FAM135A: variants seen among roughly 807,000 people sequenced by gnomAD.
FAM135A encodes family with sequence similarity 135 member A.
A neutral mutation model predicts 146.8 loss-of-function variants in FAM135A; 79 were observed. That is an observed-to-expected ratio of 0.54 (90% CI 0.45 to 0.65). The LOEUF is 0.65. Among genes scored for constraint, FAM135A ranks in the 30% least tolerant of loss-of-function variants. The pLI is 0.00. For synonymous variants in FAM135A, 562 were observed against 603.6 expected, an observed-to-expected ratio of 0.93 and a Z score of 1.01; for missense variants, 1,623 against 1,758.2, an observed-to-expected ratio of 0.92 and a Z score of 1.38.
In FAM135A at chr6:70,525,164, C is replaced by A. The variant is rs138344701; in HGVS notation, c.2080C>A (p.Pro694Thr). The A allele has an allele frequency of 3.2e-6, 5 of 1,584,386 alleles. No individual in the cohort carries two copies. Among genetic ancestry groups the A allele is most frequent in the Non-Finnish European group, 4.3e-6 (5 of 1,169,202 alleles). The change falls in exon 15 of 22, where the codon CCC becomes ACC. Residue 694 changes from proline (P) to threonine (T), a missense_variant. Around this residue, in one of 7 missense-constraint regions of FAM135A, gnomAD observed 1,061 missense variants for 1,113.8 expected, o/e 0.95. Coordinates refer to ENST00000418814, the MANE Select transcript of FAM135A (RefSeq NM_001162529.3). ...QEEILVDNLL[P>T]NFESLESNGK... ...GGAAATACTTGTGGATAATTTACTACCCAACTTTGAGTCCTTAGAATCTAA... is the reference window on the plus strand; with the variant it reads ...GGAAATACTTGTGGATAATTTACTAACCAACTTTGAGTCCTTAGAATCTAA...
At position 70,557,694 on chromosome 6, in the gene FAM135A, C is replaced by CAAAAAAAAAAAA. The variant is rs1177559650; in HGVS notation, c.4342+844_4342+855dup. The CAAAAAAAAAAAA allele has an allele frequency of 3.4e-5, 2 of 58,138 alleles. 1 individual carries two copies. Among genetic ancestry groups the CAAAAAAAAAAAA allele is most frequent in the Non-Finnish European group, 6.3e-5 (2 of 31,820 alleles). 3.6% of individuals were successfully genotyped at this position (58,138 alleles called of 1,614,324 possible). ...GAGAGACAAGAACGAAACTCTGTCT[C>CAAAAAAAAAAAA]AAAAAAAAAAAAAAAAAAAAAAAAC... On this transcript the variant is annotated intron_variant, in intron 21 of 21. Transcript: ENST00000418814.
chr6:70,480,493 A>G (rs1336881057), intron 8 of FAM135A, among the ~76,000 whole-genome samples: 1 of 152,186 alleles, frequency 6.6e-6, no homozygotes, highest in Admixed American at 6.5e-5. Context: ...TTCTACATTT[A>G]CATGGGAGCT....
Position 70,525,905 on chromosome 6 carries a change from A to C in FAM135A, c.2821A>C (p.Lys941Gln). Residue 941 changes from lysine to glutamine, a missense_variant, in exon 15 of 22, where the codon AAA becomes CAA. Around this residue, in one of 7 missense-constraint regions of FAM135A, gnomAD observed 1,061 missense variants for 1,113.8 expected, o/e 0.95. Coordinates refer to ENST00000418814, the MANE Select transcript of FAM135A (RefSeq NM_001162529.3). ...SSDVKSSCSS[K>Q]PNLDTMCKGF... Reference sequence around the variant, plus strand: ...TGATGTGAAAAGTAGTTGCAGCTCCAAACCTAACTTGGATACTATGTGTAA... The same window carrying C: ...TGATGTGAAAAGTAGTTGCAGCTCCCAACCTAACTTGGATACTATGTGTAA... 6.2e-7 allele frequency: 1 copy of C among 1,613,356 alleles called. No homozygotes were observed. The highest frequency in any genetic ancestry group is 8.5e-7 in the Non-Finnish European group (1 of 1,179,592).
At chr6:70,450,441 G>A (rs1370593240) in intron 4 of FAM135A, among the ~76,000 whole-genome samples, 1 of 152,022 alleles carries the variant, frequency 6.6e-6, no homozygotes, top group African/African-American at 2.4e-5. Flanking sequence ...AGTTGATTTT[G>A]TATATGGTAT....
At chr6:70,497,307 T>TG (rs773717748) in intron 11 of FAM135A, among the ~76,000 whole-genome samples, 13 of 152,328 alleles carry the variant, frequency 8.5e-5, no homozygotes, top group South Asian at 6.2e-4. Flanking sequence ...TGTCTATTAT[T>TG]GGTGTATAGG....
intron 5 of FAM135A, among the ~76,000 whole-genome samples, chr6:70,454,010 C>G (rs1777702160): frequency 6.6e-6 from 1 of 152,196 alleles, no homozygotes; most frequent in African/African-American, 2.4e-5. Context: ...AATGGTTGAA[C>G]TAATTTACAC....
chr6:70,490,780 TTATG>T (rs1433184491), intron 10 of FAM135A, among the ~76,000 whole-genome samples: 2 of 152,022 alleles, frequency 1.3e-5, no homozygotes, highest in Admixed American at 1.3e-4. Flanking sequence ...GCAAGTTACT[TTATG>T]TATATAGTTA....
chr6:70,528,542 A>G, intron 16 of FAM135A, 90 bp downstream of exon 16: 1 of 1,219,628 alleles, frequency 8.2e-7, no homozygotes, highest in Non-Finnish European at 1.1e-6. Context: ...CTTTGAACTA[A>G]AAAAAGATTT....
chr6:70,497,529 C>T (rs1787561821), intron 11 of FAM135A, among the ~76,000 whole-genome samples: 1 of 152,150 alleles, frequency 6.6e-6, no homozygotes, highest in African/African-American at 2.4e-5. Flanking sequence ...ACTTCCAATA[C>T]TATGTTGAAT....
chr6:70,435,096 T>C (rs1772698306), intron 4 of FAM135A, among the ~76,000 whole-genome samples: 1 of 121,008 alleles, frequency 8.3e-6, no homozygotes, highest in East Asian at 3.0e-4. Context: ...TATATATATA[T>C]ATATATATAT....
chr6:70,436,798 A>G (rs1364336907), intron 4 of FAM135A, among the ~76,000 whole-genome samples: 1 of 152,248 alleles, frequency 6.6e-6, no homozygotes, highest in Non-Finnish European at 1.5e-5. Context: ...GTAATTGAAT[A>G]TCCCAACAAT....
intron 20 of FAM135A, among the ~76,000 whole-genome samples, chr6:70,542,313 T>A (rs1278784641): frequency 6.6e-6 from 1 of 151,382 alleles, no homozygotes; most frequent in African/African-American, 2.4e-5. Context: ...GGTTTTTGAT[T>A]GCTTGCATTT....
rs1243608097 is a variant in FAM135A at position 70,526,102 on chromosome 6, A to G, written c.3018A>G (p.Thr1006=). 6.2e-7 allele frequency: 1 copy of G among 1,613,372 alleles called. No homozygotes were observed. Among genetic ancestry groups the G allele is most frequent in the African/African-American group, 1.3e-5 (1 of 74,932 alleles). The change falls in exon 15 of 22, where the codon ACA becomes ACG. Residue 1006 remains threonine, a synonymous_variant. Transcript: ENST00000418814. ...MKKNSDVLNL[T]QMYSEIPTVE... is the part of the protein sequence containing the mutation. ...AAAATAGTGATGTATTAAATCTCACACAGATGTATTCAGAAATCCCTACAG... is the reference window on the plus strand; with the variant it reads ...AAAATAGTGATGTATTAAATCTCACGCAGATGTATTCAGAAATCCCTACAG...
intron 14 of FAM135A, 26 bp from the exon 15 acceptor site, chr6:70,524,317 T>C (rs767783951): frequency 1.4e-5 from 20 of 1,461,032 alleles, no homozygotes; most frequent in Non-Finnish European, 1.8e-5. Flanking sequence ...GTTTTAAACC[T>C]GAATCTTTTT....
In FAM135A at chr6:70,515,841, T is replaced by A. The variant is rs897199365; in HGVS notation, c.1030-6672T>A. 2.0e-5 allele frequency among the ~76,000 whole-genome samples: 3 copies of A among 152,026 alleles called. No individual in the cohort carries two copies. The South Asian group carries it at 6.2e-4, about 32-fold the overall frequency. On this transcript the variant is annotated intron_variant, in intron 12 of 21. Coordinates refer to ENST00000418814, the MANE Select transcript of FAM135A (RefSeq NM_001162529.3). ...GATGTAAATAAGAGGGGAAGCTGGA[T>A]GTGTAGGGGTGGGGAAGAGGGCAAT...
chr6:70,522,500 T>G lies in FAM135A; in HGVS notation c.1030-13T>G, dbSNP rs1274465895. On this transcript the variant is annotated splice_polypyrimidine_tract_variant and intron_variant, in intron 12 of 21. Transcript: ENST00000418814. ...ACGTCATGTTATTAATACTCTCCTT[T>G]GGAATTTTTTAGGTACGCAGATTTT... 2 of 1,612,344 alleles carry G rather than the reference T, an allele frequency of 1.2e-6. No individual in the cohort carries two copies. The highest frequency in any genetic ancestry group is 2.2e-5 in the South Asian group (2 of 90,850).
chr6:70,536,135 A>T, intron 18 of FAM135A, 125 bp from the exon 19 acceptor site: 1 of 856,652 alleles, frequency 1.2e-6, no homozygotes, highest in Non-Finnish European at 1.7e-6. Flanking sequence ...AAGTATCACT[A>T]TACTTTTACA....
At chr6:70,490,685 A>G (rs980597708) in intron 10 of FAM135A, among the ~76,000 whole-genome samples, 40 of 152,188 alleles carry the variant, frequency 2.6e-4, no homozygotes, top group Middle Eastern at 3.4e-3. Flanking sequence ...ATATAACACA[A>G]AATACTAAAC....
chr6:70,509,517 T>C (rs769775018), intron 12 of FAM135A, among the ~76,000 whole-genome samples: 2 of 152,172 alleles, frequency 1.3e-5, no homozygotes, highest in Admixed American at 6.5e-5. Flanking sequence ...GGATAGACTA[T>C]ATTGTGCTCT....
Sources: gnomAD v4.1 joint callset for allele counts (sites outside exome capture counted in the v4.1 genomes callset) on GRCh38, gnomAD v4.1.1 for gene constraint, gnomAD v4.1.1 regional missense constraint, MANE v1.5 for transcripts, NCBI Gene and HGNC (gene_info 2026-07-23, HGNC 2026-07-21) for gene names.